Variants in GRID2 observed in about 807,000 individuals in gnomAD.
The protein encoded by GRID2 is glutamate ionotropic receptor delta type subunit 2.
Under a neutral mutation model 114.8 loss-of-function variants are expected in GRID2, and 33 were observed. The observed-to-expected ratio is 0.29, with a 90% CI of 0.22 to 0.38. The LOEUF is 0.38. GRID2 is among the 10% of genes least tolerant of loss of function. GRID2 has a pLI of 1.00. For missense variants in GRID2, 1,184 were observed against 1,257.7 expected (o/e 0.94, Z 0.89); for synonymous variants, 505 against 449.9 (o/e 1.12, Z -1.55).
chr4:93,596,143 C>T (rs1041744462), intron 13 of GRID2, among the ~76,000 whole-genome samples: 20 of 152,120 alleles, frequency 1.3e-4, no homozygotes, highest in Admixed American at 1.1e-3. Context: ...CACTATTGAG[C>T]CATTCAGATA....
At chr4:92,650,210 T>G (rs1731857505) in intron 2 of GRID2, among the ~76,000 whole-genome samples, 1 of 152,108 alleles carries the variant, frequency 6.6e-6, no homozygotes, top group Non-Finnish European at 1.5e-5. Flanking sequence ...CTGGCAGTTC[T>G]CATTACTTTA....
At chr4:93,405,794 A>G (rs2149344532) in intron 9 of GRID2, among the ~76,000 whole-genome samples, 1 of 152,312 alleles carries the variant, frequency 6.6e-6, no homozygotes, top group Admixed American at 6.5e-5. Context: ...GCAATGCAGT[A>G]GTTTCAACAT....
intron 2 of GRID2, among the ~76,000 whole-genome samples, chr4:93,056,906 A>G (rs1312022929): frequency 6.6e-6 from 1 of 152,002 alleles, no homozygotes; most frequent in African/African-American, 2.4e-5. Flanking sequence ...AAATTTTGCC[A>G]GATTAAACAC....
At chr4:93,276,528 C>T (rs1459593369) in intron 8 of GRID2, among the ~76,000 whole-genome samples, 1 of 151,964 alleles carries the variant, frequency 6.6e-6, no homozygotes, top group Non-Finnish European at 1.5e-5. Context: ...TTGGGAAGCA[C>T]TGTCATTTAA....
rs183465124 is a variant in GRID2, at chr4:93,380,067, G to A, written c.1246-15540G>A. Among the ~76,000 whole-genome samples the A allele has an allele frequency of 2.6e-5, 4 of 152,168 alleles. No homozygotes were observed. In the East Asian group the frequency reaches 7.7e-4, roughly 29 times the overall value. ...AAGTATGTCCATGAACTAATCCCTG[G>A]AACATGTAAATGTGATCAAATAGGG... On this transcript the variant is annotated intron_variant, in intron 8 of 15. Coordinates refer to ENST00000282020, the MANE Select transcript of GRID2 (RefSeq NM_001510.4).
At chr4:93,340,183 T>C (rs1560516843) in intron 8 of GRID2, among the ~76,000 whole-genome samples, 1 of 152,122 alleles carries the variant, frequency 6.6e-6, no homozygotes, top group Non-Finnish European at 1.5e-5. Flanking sequence ...ATGAAAACTT[T>C]TAAATTCTGG....
In GRID2 at chr4:93,422,318, T is replaced by C. The variant is rs1475344819; in HGVS notation, c.1348-453T>C. ...TGCGATATTATTAATTTCAGCTAAA[T>C]TATATGTTCTTAGAATTTTTTTATC... On this transcript the variant is annotated intron_variant, in intron 9 of 15. Transcript: ENST00000282020. Among the ~76,000 whole-genome samples, 4 of 150,332 alleles carry C rather than the reference T, an allele frequency of 2.7e-5. No individual in the cohort carries two copies. The East Asian group carries it at 5.8e-4, about 22-fold the overall frequency.
chr4:93,277,429 A>G (rs1051487189), intron 8 of GRID2, among the ~76,000 whole-genome samples: 1 of 151,914 alleles, frequency 6.6e-6, no homozygotes, highest in African/African-American at 2.4e-5. Flanking sequence ...ATTTTATATC[A>G]AAAATCACAA....
chr4:93,446,884 A>G (rs1469247676), intron 10 of GRID2, among the ~76,000 whole-genome samples: 1 of 151,430 alleles, frequency 6.6e-6, no homozygotes, highest in East Asian at 1.9e-4. Context: ...TAGTACAATT[A>G]ATATATATTT....
chr4:93,300,690 T>C (rs527689749), intron 8 of GRID2, among the ~76,000 whole-genome samples: 1 of 152,302 alleles, frequency 6.6e-6, no homozygotes, highest in Non-Finnish European at 1.5e-5. Flanking sequence ...AGACAAAACC[T>C]CTCAGACACC....
chr4:92,592,413 C>T (rs1728749028), intron 2 of GRID2, among the ~76,000 whole-genome samples: 1 of 151,910 alleles, frequency 6.6e-6, no homozygotes, highest in South Asian at 2.1e-4. Context: ...GAAAAAGTCC[C>T]TCACCCCTTT....
intron 14 of GRID2, among the ~76,000 whole-genome samples, chr4:93,712,601 A>G (rs1728579225): frequency 6.6e-6 from 1 of 152,204 alleles, no homozygotes; most frequent in South Asian, 2.1e-4. Context: ...TCATGAGGAC[A>G]TAAACCATCT....
intron 2 of GRID2, among the ~76,000 whole-genome samples, chr4:92,682,007 T>C (rs551640761): frequency 8.0e-4 from 122 of 151,840 alleles, no homozygotes; most frequent in Admixed American, 2.4e-3. Flanking sequence ...AAAAAGAACA[T>C]ACATATTCAA....
intron 4 of GRID2, among the ~76,000 whole-genome samples, chr4:93,111,775 T>C (rs867979816): frequency 1.5e-5 from 2 of 135,526 alleles, no homozygotes; most frequent in Admixed American, 8.5e-5. Context: ...TTGCCTCATT[T>C]CACTATTATG....
chr4:92,767,996 AATT>A (rs1037302506), intron 2 of GRID2, among the ~76,000 whole-genome samples: 5 of 152,108 alleles, frequency 3.3e-5, no homozygotes, highest in Non-Finnish European at 7.4e-5. Context: ...GTATTCTTCT[AATT>A]ATTATTATAT....
At chr4:92,759,036 C>T (rs970635639) in intron 2 of GRID2, among the ~76,000 whole-genome samples, 2 of 152,086 alleles carry the variant, frequency 1.3e-5, no homozygotes, top group African/African-American at 4.8e-5. Context: ...ATTTGAAAAA[C>T]AGTCAGTCAA....
At chr4:92,922,692 A>AT (rs2149508762) in intron 2 of GRID2, among the ~76,000 whole-genome samples, 1 of 152,344 alleles carries the variant, frequency 6.6e-6, no homozygotes, top group South Asian at 2.1e-4. Context: ...TAAATTATAT[A>AT]ATAACCACTT....
intron 2 of GRID2, among the ~76,000 whole-genome samples, chr4:92,595,723 C>T (rs913284720): frequency 6.6e-6 from 1 of 151,954 alleles, no homozygotes; most frequent in Non-Finnish European, 1.5e-5. Flanking sequence ...TATAAAAATA[C>T]ATACATATTT....
intron 2 of GRID2, among the ~76,000 whole-genome samples, chr4:92,823,320 A>C (rs1741426160): frequency 6.6e-6 from 1 of 152,288 alleles, no homozygotes; most frequent in East Asian, 1.9e-4. Flanking sequence ...TTTTATATTT[A>C]AAATATACAG....
Sources: allele counts gnomAD v4.1 joint callset (sites outside exome capture counted in the v4.1 genomes callset), GRCh38; gene constraint gnomAD v4.1.1; transcripts MANE v1.5; gene names NCBI Gene and HGNC (gene_info 2026-07-23, HGNC 2026-07-21).